PMPCB: variants seen among roughly 807,000 people sequenced by gnomAD.
PMPCB encodes mitochondrial-processing peptidase subunit beta.
Under a neutral mutation model 61.5 loss-of-function variants are expected in PMPCB, and 46 were observed. The observed-to-expected ratio is 0.75, with a 90% CI of 0.59 to 0.96. The LOEUF is 0.96. PMPCB is among the 40% of genes least tolerant of loss of function. The probability of loss-of-function intolerance (pLI) is 0.00; values close to 1 mark genes in which losing one functional copy is unlikely to be tolerated. For synonymous variants in PMPCB, 191 were observed against 201.6 expected, an observed-to-expected ratio of 0.95 and a Z score of 0.44; for missense variants, 590 against 602.4, an observed-to-expected ratio of 0.98 and a Z score of 0.22.
rs1586036445 is a variant in PMPCB, at chr7:103,298,640, A to C, written c.172A>C (p.Thr58Pro). Residue 58 changes from threonine (T) to proline (P), a missense_variant, in exon 2 of 13, where the codon ACA becomes CCA. Thr to Pro is a conservative substitution (Grantham distance 38, BLOSUM62 -1). Coordinates refer to ENST00000249269, the MANE Select transcript of PMPCB (RefSeq NM_004279.3). ...CCAAGTTGTTCTGAATGTTCCTGAA[A>C]CAAGAGTAACATGTTTAGAAAGTGG... ...ATQVVLNVPETRVTCLESGLR... is the reference protein window; with the variant it reads ...ATQVVLNVPEPRVTCLESGLR... 8 of 1,614,016 alleles carry C rather than the reference A, an allele frequency of 5.0e-6. No individual in the cohort carries two copies. In the East Asian group the frequency reaches 1.8e-4, roughly 36 times the overall value.
In PMPCB at chr7:103,313,425, T is replaced by C; in HGVS notation, c.*1154T>C. 1 of 982,824 alleles carries C rather than the reference T, an allele frequency of 1.0e-6. No individual in the cohort carries two copies. Among genetic ancestry groups the C allele is most frequent in the Non-Finnish European group, 1.2e-6 (1 of 827,528 alleles). The allele number at this position is 982,824 out of a possible 1,614,324, so 60.9% of individuals were successfully genotyped here. A position where few individuals can be genotyped will look rare whatever the true frequency, so the allele number is the denominator to read the frequency against. ...GCCATATTTAAATTTATAGTACTGTTGGACTCTTGGACTCAAAAACACAAC... is the reference window on the plus strand; with the variant it reads ...GCCATATTTAAATTTATAGTACTGTCGGACTCTTGGACTCAAAAACACAAC... On this transcript the variant is annotated 3_prime_UTR_variant, in exon 13 of 13. Coordinates refer to ENST00000249269, the MANE Select transcript of PMPCB (RefSeq NM_004279.3).
At position 103,303,877 on chromosome 7, in the gene PMPCB, A is replaced by G; in HGVS notation, c.493A>G (p.Thr165Ala). The G allele has an allele frequency of 6.2e-7, 1 of 1,613,762 alleles. No individual in the cohort carries two copies. The highest frequency in any genetic ancestry group is 8.5e-7 in the Non-Finnish European group (1 of 1,179,736). Reference protein sequence around the residue: ...EILADIIQNSTLGEAEIERER... With the variant: ...EILADIIQNSALGEAEIERER... ...TCTTGCTGATATAATACAAAACAGC[A>G]CATTGGGAGAAGCAGAGATTGAACG... The change falls in exon 5 of 13, where the codon ACA becomes GCA. Residue 165 changes from threonine to alanine, a missense_variant. Physicochemically the swap from Thr to Ala is moderately conservative, Grantham distance 58. Coordinates refer to ENST00000249269, the MANE Select transcript of PMPCB (RefSeq NM_004279.3).
At chr7:103,333,211 T>C (rs1286317788), downstream of PMPCB, among the ~76,000 whole-genome samples, 2 of 152,214 alleles carry the variant, frequency 1.3e-5, no homozygotes, top group African/African-American at 4.8e-5. Context: ...TACTGTCTTA[T>C]TTATTTTCTT....
downstream of PMPCB, among the ~76,000 whole-genome samples, chr7:103,331,679 CA>C (rs1391041374): frequency 3.3e-5 from 5 of 152,308 alleles, no homozygotes; most frequent in Non-Finnish European, 7.4e-5. Context: ...TATATTTCTG[CA>C]GACGTTTCAT....
rs138186996 is a variant in PMPCB at position 103,298,604 on chromosome 7, C to A, written c.136C>A (p.Gln46Lys). ...TGGAGAGAACAGATTAAGAAGTACA[C>A]AGGCTGCTACCCAAGTTGTTCTGAA... ...YFGENRLRST[Q>K]AATQVVLNVP... Residue 46 changes from glutamine (Q) to lysine (K), a missense_variant, in exon 2 of 13, where the codon CAG becomes AAG. Physicochemically the swap from Gln to Lys is moderately conservative, Grantham distance 53. Coordinates refer to ENST00000249269, the MANE Select transcript of PMPCB (RefSeq NM_004279.3). The A allele has an allele frequency of 8.1e-6, 13 of 1,613,940 alleles. No homozygotes were observed. In the African/African-American group the frequency reaches 1.5e-4, roughly 18 times the overall value.
intron 9 of PMPCB, chr7:103,310,770 C>CA: frequency 6.1e-6 from 1 of 164,162 alleles, no homozygotes; most frequent in Non-Finnish European, 1.3e-5. Flanking sequence ...CTCCGCCTCC[C>CA]AGGTTCAAGC....
In PMPCB at chr7:103,304,394, T is replaced by G. The variant is rs777994363; in HGVS notation, c.657-17T>G. 6.9e-7 allele frequency: 1 copy of G among 1,439,246 alleles called. No individual in the cohort carries two copies. Among genetic ancestry groups the G allele is most frequent in the South Asian group, 1.2e-5 (1 of 84,690 alleles). 89.2% of individuals were successfully genotyped at this position (1,439,246 alleles called of 1,614,324 possible). A position where few individuals can be genotyped will look rare whatever the true frequency, so the allele number is the denominator to read the frequency against. ...TTTTTTTGGTTTCCTTTAAAAATTG[T>G]TTTACTTCATTTACAGATCTATAAG... On this transcript the variant is annotated splice_polypyrimidine_tract_variant and intron_variant, in intron 5 of 12. Transcript: ENST00000249269.
At chr7:103,346,744 C>G in the PMPCB span, among the ~76,000 whole-genome samples, 1 of 152,088 alleles carries the variant, frequency 6.6e-6, no homozygotes, top group African/African-American at 2.4e-5. Context: ...GACTTATTCA[C>G]TTAGCATAAT....
chr7:103,330,926 C>T (rs1353036629), downstream of PMPCB, among the ~76,000 whole-genome samples: 1 of 151,470 alleles, frequency 6.6e-6, no homozygotes, highest in African/African-American at 2.4e-5. Flanking sequence ...TTATGGGGTG[C>T]ATGTGATTAT....
rs556165738 is a variant in PMPCB, at chr7:103,307,511, A to G, written c.737-85A>G. On this transcript the variant is annotated intron_variant, in intron 6 of 12. Coordinates refer to ENST00000249269, the MANE Select transcript of PMPCB (RefSeq NM_004279.3). ...TAGTGAGTGTAGATAGTTCATGTGT[A>G]ATGTACATCACATTATACCACCTAG... is the stretch of plus-strand genomic sequence containing the variant. 469 of 754,246 alleles carry G rather than the reference A, an allele frequency of 6.2e-4. 12 individuals are homozygous for G. The South Asian group carries it at 6.5e-3, about 10-fold the overall frequency. The allele number at this position is 754,246 out of a possible 1,614,324, so 46.7% of individuals were successfully genotyped here. A position where few individuals can be genotyped will look rare whatever the true frequency, so the allele number is the denominator to read the frequency against.
chr7:103,298,690 T>C lies in PMPCB; in HGVS notation c.222T>C (p.Ser74=), dbSNP rs755294747. ...GACTCAGAGTAGCTTCGGAAGACTC[T>C]GGGCTCTCAACATGCACAGTAAGTG... The part of the protein sequence containing the change: ...ESGLRVASED[S]GLSTCTVGLW... Residue 74 remains serine (S), a synonymous_variant, in exon 2 of 13, where the codon TCT becomes TCC. Transcript: ENST00000249269. The C allele has an allele frequency of 9.3e-6, 15 of 1,614,162 alleles. No homozygotes were observed. The South Asian group carries it at 1.6e-4, about 18-fold the overall frequency.
chr7:103,298,430 A>T, intron 1 of PMPCB, 138 bp from the exon 2 acceptor site: 1 of 878,806 alleles, frequency 1.1e-6, no homozygotes, highest in Non-Finnish European at 1.8e-6. Context: ...CAGAGATCTC[A>T]GTGGAACCAA....
At chr7:103,331,222 C>T (rs963929148), downstream of PMPCB, among the ~76,000 whole-genome samples, 94 of 152,164 alleles carry the variant, frequency 6.2e-4, no homozygotes, top group African/African-American at 2.0e-3. Flanking sequence ...CCTCCCAAAG[C>T]GCTGGGATTA....
chr7:103,322,571 T>C (rs1158000431), intron 12 of PMPCB: 1 of 1,600,186 alleles, frequency 6.2e-7, no homozygotes, highest in Admixed American at 1.7e-5. Flanking sequence ...TTTCTGCTTC[T>C]TTCTTGGCTT....
Position 103,312,337 on chromosome 7 carries a change from T to C in PMPCB, c.*66T>C. The C allele has an allele frequency of 1.3e-6, 2 of 1,592,076 alleles. No individual in the cohort carries two copies. Among genetic ancestry groups the C allele is most frequent in the Non-Finnish European group, 1.7e-6 (2 of 1,175,366 alleles). Reference sequence around the variant, plus strand: ...AAACAGAGCTAGAGAAAAATAAAAATGAACATGTATATACATTTGGAAATT... The same window carrying C: ...AAACAGAGCTAGAGAAAAATAAAAACGAACATGTATATACATTTGGAAATT... On this transcript the variant is annotated 3_prime_UTR_variant, in exon 13 of 13. Transcript: ENST00000249269.
intron 12 of PMPCB, chr7:103,322,430 TA>T (rs374674418): frequency 3.1e-6 from 4 of 1,293,798 alleles, no homozygotes; most frequent in Non-Finnish European, 4.2e-6. Flanking sequence ...TAGTTTTTTT[TA>T]AAAAAAGATG....
Position 103,313,738 on chromosome 7 carries a change from C to A in PMPCB, c.*1467C>A. ...CTGCTATTGTGGTTCTTCAACTAAA[C>A]CTTGTATATTTCAGAAAACATCTAA... On this transcript the variant is annotated 3_prime_UTR_variant, in exon 13 of 13. Transcript: ENST00000249269. The A allele has an allele frequency of 1.0e-6, 1 of 985,112 alleles. No homozygotes were observed. The highest frequency in any genetic ancestry group is 1.1e-4 in the East Asian group (1 of 8,812). 61.0% of individuals were successfully genotyped at this position (985,112 alleles called of 1,614,324 possible).
At chr7:103,300,023 C>T (rs1224522107) in intron 3 of PMPCB, among the ~76,000 whole-genome samples, 155 bp from the exon 4 acceptor site, 1 of 152,176 alleles carries the variant, frequency 6.6e-6, no homozygotes, top group Non-Finnish European at 1.5e-5. Context: ...GCTGGGGTTA[C>T]AGGTGTGAGC....
chr7:103,322,232 G>A (rs1274473080), intron 12 of PMPCB: 4 of 635,598 alleles, frequency 6.3e-6, no homozygotes, highest in Admixed American at 3.6e-5. Context: ...CGGAAAGACA[G>A]CTGGTAAAGA....
Sources: allele counts gnomAD v4.1 joint callset (sites outside exome capture counted in the v4.1 genomes callset), GRCh38; gene constraint gnomAD v4.1.1; transcripts MANE v1.5; gene names NCBI Gene and HGNC (gene_info 2026-07-23, HGNC 2026-07-21).